GTF2F2: variants seen among roughly 807,000 people sequenced by gnomAD.
The protein encoded by GTF2F2 is general transcription factor IIF subunit 2, also known as ATP-dependent helicase GTF2F2.
A neutral mutation model predicts 42.2 loss-of-function variants in GTF2F2; 23 were observed. The observed-to-expected ratio is 0.55, with a 90% confidence interval of 0.39 to 0.77. GTF2F2 has a LOEUF of 0.77. GTF2F2 is among the 30% of genes least tolerant of loss of function. The pLI is 0.00. For missense variants in GTF2F2, 261 were observed against 287.2 expected, an observed-to-expected ratio of 0.91 and a Z score of 0.66; for synonymous variants, 105 against 100.8, an observed-to-expected ratio of 1.04 and a Z score of -0.25.
intron 5 of GTF2F2, among the ~76,000 whole-genome samples, chr13:45,224,592 C>T (rs1389023599): frequency 2.0e-5 from 3 of 152,066 alleles, no homozygotes; most frequent in Non-Finnish European, 4.4e-5. Context: ...AGGAACACTC[C>T]CTTTGGGTCA....
chr13:45,182,321 T>C (rs1872204775), intron 4 of GTF2F2, among the ~76,000 whole-genome samples: 1 of 151,974 alleles, frequency 6.6e-6, no homozygotes, highest in Admixed American at 6.6e-5. Flanking sequence ...CGGCTAACTT[T>C]TGTTACCTCA....
Position 45,207,522 on chromosome 13 carries a change from T to A in GTF2F2, c.386+17T>A. On this transcript the variant is annotated intron_variant, in intron 5 of 7. Transcript: ENST00000340473. ...ATTAAAAAGGTTGGTGTTTTGTAACTCCAGAATGATACCTGATATTTCCCT... is the reference window on the plus strand; with the variant it reads ...ATTAAAAAGGTTGGTGTTTTGTAACACCAGAATGATACCTGATATTTCCCT... The A allele has an allele frequency of 6.9e-7, 1 of 1,459,066 alleles. No individual in the cohort carries two copies. The highest frequency in any genetic ancestry group is 9.6e-7 in the Non-Finnish European group (1 of 1,038,576). The allele number at this position is 1,459,066 out of a possible 1,614,324, so 90.4% of individuals were successfully genotyped here.
intron 1 of GTF2F2, among the ~76,000 whole-genome samples, chr13:45,123,831 A>G (rs970848721): frequency 8.5e-6 from 1 of 118,174 alleles, no homozygotes; most frequent in East Asian, 2.3e-4. Flanking sequence ...AGGGGACTTT[A>G]TTGATGGCAC....
At chr13:45,194,084 G>A (rs1443691986) in intron 4 of GTF2F2, 3 of 1,614,098 alleles carry the variant, frequency 1.9e-6, no homozygotes, top group Non-Finnish European at 2.5e-6. Flanking sequence ...ATGAAATCAG[G>A]AGCATTACAG....
intron 1 of GTF2F2, among the ~76,000 whole-genome samples, chr13:45,124,852 C>T (rs2138085130): frequency 6.6e-6 from 1 of 152,310 alleles, no homozygotes; most frequent in South Asian, 2.1e-4. Context: ...GCATGAGCCA[C>T]TGTGCCCAGC....
chr13:45,127,306 T>C (rs781195055), intron 1 of GTF2F2, among the ~76,000 whole-genome samples: 19 of 150,084 alleles, frequency 1.3e-4, no homozygotes, highest in Non-Finnish European at 2.5e-4. Flanking sequence ...CATTAACTTA[T>C]GGAGCACAAT....
Position 45,151,776 on chromosome 13 carries a change from T to C in GTF2F2, c.249T>C (p.Phe83=), listed in dbSNP as rs754735108. The C allele has an allele frequency of 2.5e-6, 4 of 1,588,058 alleles. No individual in the cohort carries two copies. The Admixed American group carries it at 6.9e-5, about 27-fold the overall frequency. Residue 83 remains phenylalanine (F), a synonymous_variant, in exon 4 of 8, where the codon TTT becomes TTC. Coordinates refer to ENST00000340473, the MANE Select transcript of GTF2F2 (RefSeq NM_004128.3). ...ASVSAPREHP[F]VLQSVGGQTL... ...TCAGTGCTCCTAGAGAACATCCATT[T>C]GTCTTGCAAAGTGTTGGAGGACAGA...
intron 5 of GTF2F2, among the ~76,000 whole-genome samples, chr13:45,248,559 T>C (rs923608067): frequency 6.6e-6 from 1 of 152,106 alleles, no homozygotes; most frequent in African/African-American, 2.4e-5. Flanking sequence ...CTGCAACCTC[T>C]GCCTCCTGGG....
chr13:45,221,687 A>T (rs184609469), intron 5 of GTF2F2, among the ~76,000 whole-genome samples: 1 of 152,032 alleles, frequency 6.6e-6, no homozygotes, highest in African/African-American at 2.4e-5. Context: ...CACAGGTCAG[A>T]CTCATTAGTG....
chr13:45,181,552 A>G (rs748070278), intron 4 of GTF2F2, among the ~76,000 whole-genome samples: 1 of 152,164 alleles, frequency 6.6e-6, no homozygotes, highest in Non-Finnish European at 1.5e-5. Context: ...TTTACATTTT[A>G]TGTTATAAAG....
chr13:45,221,414 T>A (rs1874109031), intron 5 of GTF2F2, among the ~76,000 whole-genome samples: 1 of 152,208 alleles, frequency 6.6e-6, no homozygotes, highest in African/African-American at 2.4e-5. Flanking sequence ...TGGGGCCTTT[T>A]GTTCATACAT....
At chr13:45,120,772 T>G (rs1415543054) in intron 1 of GTF2F2, 51 bp downstream of exon 1, 1 of 1,353,542 alleles carries the variant, frequency 7.4e-7, no homozygotes, top group South Asian at 1.2e-5. Context: ...AAGTATAGTT[T>G]AAGTAACTTG....
At chr13:45,191,224 A>AAAATATATATAT in intron 4 of GTF2F2, among the ~76,000 whole-genome samples, 30 of 75,308 alleles carry the variant, frequency 4.0e-4, no homozygotes, top group African/African-American at 7.0e-4. Flanking sequence ...ACAAAAAAAA[A>AAAATATATATAT]ATATATATAT....
intron 4 of GTF2F2, among the ~76,000 whole-genome samples, chr13:45,159,721 G>A (rs1238519690): frequency 6.6e-6 from 1 of 152,144 alleles, no homozygotes; most frequent in Non-Finnish European, 1.5e-5. Flanking sequence ...TAATCTGCCC[G>A]CCTCAGCCTC....
At chr13:45,225,283 G>A (rs745611033) in intron 5 of GTF2F2, among the ~76,000 whole-genome samples, 3 of 152,102 alleles carry the variant, frequency 2.0e-5, no homozygotes, top group Non-Finnish European at 2.9e-5. Flanking sequence ...CCTGATTGCC[G>A]TTTCATCTGT....
chr13:45,227,144 T>C (rs1339369230), intron 5 of GTF2F2, among the ~76,000 whole-genome samples: 1 of 152,198 alleles, frequency 6.6e-6, no homozygotes, highest in Non-Finnish European at 1.5e-5. Flanking sequence ...AAAATTATTT[T>C]TGTATATTTG....
chr13:45,280,273 A>G (rs1877207483), intron 7 of GTF2F2, among the ~76,000 whole-genome samples: 1 of 152,230 alleles, frequency 6.6e-6, no homozygotes, highest in Non-Finnish European at 1.5e-5. Context: ...TTTGGAATTT[A>G]ATGTGTAGCC....
Position 45,252,892 on chromosome 13 carries a change from C to G in GTF2F2, c.408C>G (p.Ser136=). 6.7e-7 allele frequency: 1 copy of G among 1,503,298 alleles called. No individual in the cohort carries two copies. Among genetic ancestry groups the G allele is most frequent in the Non-Finnish European group, 8.9e-7 (1 of 1,124,422 alleles). The allele number at this position is 1,503,298 out of a possible 1,614,324, so 93.1% of individuals were successfully genotyped here. The change falls in exon 6 of 8, where the codon TCC becomes TCG. Residue 136 remains serine, a synonymous_variant. Coordinates refer to ENST00000340473, the MANE Select transcript of GTF2F2 (RefSeq NM_004128.3). The stretch of plus-strand genomic sequence containing the variant: ...TCAGATTGCAAATAGAAGAGTCTTC[C>G]AAACCAGTGAGGCTATCACAACAGC... ...RLKRLQIEES[S]KPVRLSQQLD...
chr13:45,253,191 C>T (rs1311955901), intron 6 of GTF2F2, among the ~76,000 whole-genome samples: 1 of 151,896 alleles, frequency 6.6e-6, no homozygotes, highest in Admixed American at 6.6e-5. Flanking sequence ...AAAAAGAAGG[C>T]AACCACTGTT....
Sources: gnomAD v4.1 joint callset for allele counts (sites outside exome capture counted in the v4.1 genomes callset) on GRCh38, gnomAD v4.1.1 for gene constraint, MANE v1.5 for transcripts, NCBI Gene and HGNC (gene_info 2026-07-23, HGNC 2026-07-21) for gene names.